GRHL2: variants seen among roughly 807,000 people sequenced by gnomAD.
GRHL2 encodes grainyhead like transcription factor 2.
A neutral mutation model predicts 83.8 loss-of-function variants in GRHL2; 21 were observed. That is an observed-to-expected ratio of 0.25 (90% confidence interval 0.18 to 0.36). GRHL2 has a LOEUF of 0.36. Ranked by LOEUF, GRHL2 falls within the 10% of genes least tolerant of loss-of-function variation. The probability of loss-of-function intolerance (pLI) is 1.00; values close to 1 mark genes in which losing one functional copy is unlikely to be tolerated. For missense variants in GRHL2, 623 were observed against 781.8 expected (o/e 0.80, Z 2.42); for synonymous variants, 280 against 278.9 (o/e 1.00, Z -0.04).
chr8:101,676,802 G>A, the GRHL2 span, among the ~76,000 whole-genome samples: 1 of 152,134 alleles, frequency 6.6e-6, no homozygotes, highest in East Asian at 1.9e-4. Context: ...CAAAGACTTG[G>A]AACCAACCCA....
intron 1 of GRHL2, among the ~76,000 whole-genome samples, chr8:101,520,829 G>A (rs1024003083): frequency 6.6e-6 from 1 of 152,156 alleles, no homozygotes; most frequent in African/African-American, 2.4e-5. Context: ...TCGATTGGGA[G>A]AAGTTCCAAC....
At chr8:101,647,024 A>G (rs1813524880) in intron 13 of GRHL2, among the ~76,000 whole-genome samples, 1 of 152,214 alleles carries the variant, frequency 6.6e-6, no homozygotes, top group South Asian at 2.1e-4. Flanking sequence ...CAGCCATATC[A>G]TTTCAAAGAC....
intron 1 of GRHL2, among the ~76,000 whole-genome samples, chr8:101,508,594 A>C (rs570358220): frequency 7.9e-5 from 12 of 152,218 alleles, no homozygotes; most frequent in Admixed American, 7.2e-4. Context: ...ACAATCCCCA[A>C]TTCACAGCCC....
At chr8:101,578,845 G>A (rs1289682677) in intron 7 of GRHL2, among the ~76,000 whole-genome samples, 1 of 152,218 alleles carries the variant, frequency 6.6e-6, no homozygotes, top group Non-Finnish European at 1.5e-5. Context: ...TAATGACTAG[G>A]ATAGGGTGAG....
At chr8:101,661,837 G>A (rs1813929510) in intron 14 of GRHL2, among the ~76,000 whole-genome samples, 1 of 152,146 alleles carries the variant, frequency 6.6e-6, no homozygotes, top group South Asian at 2.1e-4. Context: ...CTGTCATTTG[G>A]TTTCTAGTGT....
At chr8:101,525,800 C>T (rs1810791703) in intron 1 of GRHL2, among the ~76,000 whole-genome samples, 1 of 152,126 alleles carries the variant, frequency 6.6e-6, no homozygotes, top group Non-Finnish European at 1.5e-5. Flanking sequence ...AAAACCCCAC[C>T]TCTACAAAAA....
chr8:101,637,026 C>T, intron 12 of GRHL2, 98 bp downstream of exon 12: 1 of 1,061,532 alleles, frequency 9.4e-7, no homozygotes, highest in South Asian at 1.2e-5. Context: ...GGAAGTGAAA[C>T]CCTCCTCTCA....
At chr8:101,670,722 T>C (rs1267932265), downstream of GRHL2, among the ~76,000 whole-genome samples, 1 of 152,194 alleles carries the variant, frequency 6.6e-6, no homozygotes, top group Non-Finnish European at 1.5e-5. Flanking sequence ...TGTTAGGTGC[T>C]CGCCATGTGT....
intron 8 of GRHL2, among the ~76,000 whole-genome samples, chr8:101,615,892 A>T (rs560107464): frequency 2.0e-5 from 3 of 152,240 alleles, no homozygotes; most frequent in African/African-American, 7.2e-5. Flanking sequence ...TTAAATAAAA[A>T]TTCTCTGCCA....
chr8:101,529,100 G>A, intron 1 of GRHL2: 1 of 380,296 alleles, frequency 2.6e-6, no homozygotes, highest in African/African-American at 2.2e-5. Flanking sequence ...ATTTCTATGG[G>A]GCTTTGTTTC....
At chr8:101,647,348 G>A (rs973854812) in intron 13 of GRHL2, among the ~76,000 whole-genome samples, 2 of 152,202 alleles carry the variant, frequency 1.3e-5, no homozygotes, top group African/African-American at 2.4e-5. Context: ...CTGGGTGACA[G>A]CGAGACTCTG....
At chr8:101,660,415 A>G (rs1813896173) in intron 14 of GRHL2, among the ~76,000 whole-genome samples, 1 of 151,992 alleles carries the variant, frequency 6.6e-6, no homozygotes, top group South Asian at 2.1e-4. Flanking sequence ...CACTCACCAC[A>G]TTGTCTTCAG....
chr8:101,671,798 G>C (rs1586188474), downstream of GRHL2, among the ~76,000 whole-genome samples: 2 of 152,332 alleles, frequency 1.3e-5, no homozygotes, highest in East Asian at 3.9e-4. Context: ...AGTAGGGGCA[G>C]ACTGACATCT....
chr8:101,499,410 C>T (rs2045588324), intron 1 of GRHL2, among the ~76,000 whole-genome samples: 1 of 151,938 alleles, frequency 6.6e-6, no homozygotes, highest in Admixed American at 6.6e-5. Context: ...TCTTTCCTTC[C>T]TTGGTTTGTC....
At chr8:101,653,256 A>AGTTT in intron 14 of GRHL2, among the ~76,000 whole-genome samples, 1 of 152,322 alleles carries the variant, frequency 6.6e-6, no homozygotes, top group African/African-American at 2.4e-5. Context: ...GGGGGCTTAT[A>AGTTT]GTTTTTAACA....
intron 9 of GRHL2, among the ~76,000 whole-genome samples, chr8:101,628,772 G>C (rs1813128918): frequency 1.3e-5 from 2 of 152,098 alleles, no homozygotes. Flanking sequence ...AGCCCTCACG[G>C]ATGACTTTGA....
Position 101,599,064 on chromosome 8 carries a change from C to T in GRHL2, c.1011C>T (p.Tyr337=). ...AKQRVLDIAD[Y]KESFNTIGNI... ...CTTTTTTTAATGTTACAGCCGATTA[C>T]AAGGAGAGCTTTAATACGATTGGAA... Residue 337 remains tyrosine (Y), a synonymous_variant, in exon 8 of 16, where the codon TAC becomes TAT. Coordinates refer to ENST00000646743, the MANE Select transcript of GRHL2 (RefSeq NM_024915.4). 1.2e-6 allele frequency: 2 copies of T among 1,609,858 alleles called. No individual in the cohort carries two copies. Among genetic ancestry groups the T allele is most frequent in the Admixed American group, 3.3e-5 (2 of 59,992 alleles).
intron 2 of GRHL2, among the ~76,000 whole-genome samples, chr8:101,546,714 C>T (rs1201178424): frequency 6.6e-6 from 1 of 152,126 alleles, no homozygotes; most frequent in Non-Finnish European, 1.5e-5. Flanking sequence ...AAGTCCAGTC[C>T]ATAATTAGTA....
intron 1 of GRHL2, among the ~76,000 whole-genome samples, chr8:101,540,701 G>A (rs12114698): frequency 0.018 from 2,796 of 152,220 alleles, 21 homozygotes; most frequent in Middle Eastern, 0.048. Context: ...GTGAGTTCAC[G>A]CCAGTTCTCC....
Sources: gnomAD v4.1 joint callset for allele counts (sites outside exome capture counted in the v4.1 genomes callset) on GRCh38, gnomAD v4.1.1 for gene constraint, MANE v1.5 for transcripts, NCBI Gene and HGNC (gene_info 2026-07-23, HGNC 2026-07-21) for gene names.